The following TNFAIP2 variants were observed in gnomAD, a reference collection of about 807,000 sequenced individuals.
TNFAIP2 encodes TNF alpha induced protein 2.
TNFAIP2 carries 47 observed loss-of-function variants against 63.5 expected under a neutral mutation model. That is an observed-to-expected ratio of 0.74 (90% CI 0.59 to 0.94). TNFAIP2 has a LOEUF of 0.94. Ranked by LOEUF, TNFAIP2 falls within the 40% of genes least tolerant of loss-of-function variation. The pLI, the probability that TNFAIP2 is intolerant of heterozygous loss-of-function variation, is 0.00. For missense variants in TNFAIP2, 787 were observed against 850.2 expected (o/e 0.93, Z 0.92); for synonymous variants, 405 against 390.2 (o/e 1.04, Z -0.45).
At position 103,130,354 on chromosome 14, in the gene TNFAIP2, C is replaced by G. The variant is rs1356257789; in HGVS notation, c.1138C>G (p.Leu380Val). 1.9e-6 allele frequency: 3 copies of G among 1,569,092 alleles called. No homozygotes were observed. Among genetic ancestry groups the G allele is most frequent in the Non-Finnish European group, 2.6e-6 (3 of 1,156,482 alleles). ...QAQAKAESIT[L>V]DLGSQIKRVL... Reference sequence around the variant, plus strand: ...CCAGGCCAAGGCCGAGAGCATCACGCTGGACTTGGGCTCACAGATAAAGCG... The same window carrying G: ...CCAGGCCAAGGCCGAGAGCATCACGGTGGACTTGGGCTCACAGATAAAGCG... The change falls in exon 6 of 12, where the codon CTG (leucine) becomes GTG (valine). Residue 380 changes from leucine (L) to valine (V), a missense_variant. Around this residue, in one of 3 missense-constraint regions of TNFAIP2, gnomAD observed 523 missense variants for 604.1 expected, o/e 0.87. Coordinates refer to ENST00000560869, the MANE Select transcript of TNFAIP2 (RefSeq NM_006291.4).
chr14:103,130,052 C>A lies in TNFAIP2; in HGVS notation c.1026C>A (p.Arg342=), dbSNP rs1436364898. 6.2e-7 allele frequency: 1 copy of A among 1,613,192 alleles called. No homozygotes were observed. Among genetic ancestry groups the A allele is most frequent in the Non-Finnish European group, 8.5e-7 (1 of 1,179,966 alleles). ...MDRALELEAR[R]WAEDVPPQRL... ...GAGCTCTGGAGCTAGAGGCACGGCGCTGGGCTGAGGATGTGCCTCCCCAGA... is the reference window on the plus strand; with the variant it reads ...GAGCTCTGGAGCTAGAGGCACGGCGATGGGCTGAGGATGTGCCTCCCCAGA... The change falls in exon 5 of 12, where the codon CGC becomes CGA. Residue 342 remains arginine (R), a synonymous_variant. Transcript: ENST00000560869.
At chr14:103,129,960 G>C in intron 4 of TNFAIP2, 42 bp from the exon 5 acceptor site, 2 of 1,609,090 alleles carry the variant, frequency 1.2e-6, no homozygotes. Context: ...AGGTGAGCGA[G>C]GTGAGGGATA....
In TNFAIP2 at chr14:103,127,072, G is replaced by A; in HGVS notation, c.303G>A (p.Glu101=). Residue 101 remains glutamate (E), a synonymous_variant, in exon 3 of 12, where the codon GAG becomes GAA. Coordinates refer to ENST00000560869, the MANE Select transcript of TNFAIP2 (RefSeq NM_006291.4). The surrounding 1 kb of genome is among the most constrained non-coding windows in gnomAD (Gnocchi z 5.1). ...CGGCGCGGCCGCTGCTGGCGCTGGA[G>A]CGGGAGCTGGCGGCGGCGGCGGCGG... ...LEAARPLLAL[E]RELAAAAAAG... 8.9e-7 allele frequency: 1 copy of A among 1,123,884 alleles called. No individual in the cohort carries two copies. Among genetic ancestry groups the A allele is most frequent in the Non-Finnish European group, 1.1e-6 (1 of 919,700 alleles). 69.6% of individuals were successfully genotyped at this position (1,123,884 alleles called of 1,614,324 possible).
At chr14:103,122,918 T>C (rs780935992), upstream of TNFAIP2, 1 of 429,964 alleles carries the variant, frequency 2.3e-6, no homozygotes, top group Non-Finnish European at 4.7e-6. Flanking sequence ...CAAGGCCCTG[T>C]GCACAGCCGC....
At position 103,135,272 on chromosome 14, in the gene TNFAIP2, A is replaced by T. The variant is rs562060303; in HGVS notation, c.1877A>T (p.Glu626Val). ...ATCAAGGGGAACCTATCCAACAGTG[A>T]GGTCAAGCGCATCCGGAGCATCTTG... The part of the protein sequence containing the change: ...LAIKGNLSNS[E>V]VKRIRSILDV... The change falls in exon 12 of 12, where the codon GAG (glutamate) becomes GTG (valine). Residue 626 changes from glutamate to valine, a missense_variant. Coordinates refer to ENST00000560869, the MANE Select transcript of TNFAIP2 (RefSeq NM_006291.4). The surrounding 1 kb of genome is among the most constrained non-coding windows in gnomAD (Gnocchi z 7.6). 9 of 1,614,012 alleles carry T rather than the reference A, an allele frequency of 5.6e-6. No homozygotes were observed. In the Admixed American group the frequency reaches 1.5e-4, roughly 27 times the overall value.
In TNFAIP2 at chr14:103,130,510, C is replaced by T. The variant is rs757954422; in HGVS notation, c.1199+95C>T. On this transcript the variant is annotated intron_variant, in intron 6 of 11. Transcript: ENST00000560869. ...CAGGTGGGGAGCTGAGCTGGATCCC[C>T]GCCCTCTACCCCTGTCCCTGTCATT... 1.8e-4 allele frequency: 202 copies of T among 1,150,620 alleles called. 1 individual carries two copies. The highest frequency in any genetic ancestry group is 2.3e-4 in the Non-Finnish European group (187 of 798,198). The allele number at this position is 1,150,620 out of a possible 1,614,324, so 71.3% of individuals were successfully genotyped here. A position where few individuals can be genotyped will look rare whatever the true frequency, so the allele number is the denominator to read the frequency against.
Position 103,131,564 on chromosome 14 carries a change from G to GGGCTGTCT in TNFAIP2, c.1299-70_1299-63dup. 6.7e-7 allele frequency: 1 copy of GGGCTGTCT among 1,492,320 alleles called. No individual in the cohort carries two copies. The highest frequency in any genetic ancestry group is 8.9e-7 in the Non-Finnish European group (1 of 1,119,770). The allele number at this position is 1,492,320 out of a possible 1,614,324, so 92.4% of individuals were successfully genotyped here. ...TTGAGGGTTCTAGAGTGAAGAGAGG[G>GGGCTGTCT]GGCTGTCTGGCTCCCTGGGTATGGG... On this transcript the variant is annotated intron_variant, in intron 7 of 11. Transcript: ENST00000560869. The surrounding 1 kb of genome is among the most constrained non-coding windows in gnomAD (Gnocchi z 4.0).
At position 103,126,342 on chromosome 14, in the gene TNFAIP2, AGAT is replaced by A. The variant is rs1010153143; in HGVS notation, c.-110_-108del. 7 of 714,224 alleles carry A rather than the reference AGAT, an allele frequency of 9.8e-6. 1 individual carries two copies. Among genetic ancestry groups the A allele is most frequent in the Admixed American group, 2.9e-5 (1 of 33,950 alleles). The allele number at this position is 714,224 out of a possible 1,614,324, so 44.2% of individuals were successfully genotyped here. ...CAGGCCTGAACCAGGGTGATGCTGA[AGAT>A]GATGACCTTCTTCCAAGGCCTCTAG... is the stretch of plus-strand genomic sequence containing the variant. On this transcript the variant is annotated 5_prime_UTR_variant, in exon 2 of 12. It removes an upstream start codon present in the reference 5' UTR. Coordinates refer to ENST00000560869, the MANE Select transcript of TNFAIP2 (RefSeq NM_006291.4).
rs2087796775 is a variant in TNFAIP2 at position 103,123,789 on chromosome 14, C to T, written c.-311C>T. Reference sequence around the variant, plus strand: ...AAAGGCCCCAGGTCCGGCGTGACTCCCCGGCCGGGCGACACAGGCCGAGTC... The same window carrying T: ...AAAGGCCCCAGGTCCGGCGTGACTCTCCGGCCGGGCGACACAGGCCGAGTC... On this transcript the variant is annotated 5_prime_UTR_variant, in exon 1 of 12. Transcript: ENST00000560869. 1 of 152,294 alleles carries T rather than the reference C, an allele frequency of 6.6e-6. No homozygotes were observed. Among genetic ancestry groups the T allele is most frequent in the Non-Finnish European group, 1.5e-5 (1 of 68,120 alleles). 9.4% of individuals were successfully genotyped at this position (152,294 alleles called of 1,614,324 possible). A position where few individuals can be genotyped will look rare whatever the true frequency, so the allele number is the denominator to read the frequency against.
Position 103,127,684 on chromosome 14 carries a change from G to A in TNFAIP2, c.860+55G>A. 1 of 1,399,180 alleles carries A rather than the reference G, an allele frequency of 7.1e-7. No homozygotes were observed. The highest frequency in any genetic ancestry group is 1.6e-5 in the South Asian group (1 of 63,356). 86.7% of individuals were successfully genotyped at this position (1,399,180 alleles called of 1,614,324 possible). On this transcript the variant is annotated intron_variant, in intron 3 of 11. Transcript: ENST00000560869. This position sits in a 1 kb window ranked among gnomAD's most constrained non-coding sequence, Gnocchi z 5.1. The stretch of plus-strand genomic sequence containing the variant: ...GGCAGGGAGGGTGTCCTCTGTAGGA[G>A]GGGTGTCGAGGGGTGTCGAGGTGTG...
Position 103,133,650 on chromosome 14 carries a change from C to T in TNFAIP2, c.1702-32C>T, listed in dbSNP as rs767492889. The T allele has an allele frequency of 2.1e-5, 33 of 1,549,872 alleles. No individual in the cohort carries two copies. In the East Asian group the frequency reaches 5.9e-4, roughly 28 times the overall value. ...GTCGCTGACCCGAGCCTCTGGACCC[C>T]TGGGTCCCTCCAACCACACCCACTC... On this transcript the variant is annotated intron_variant, in intron 10 of 11. Coordinates refer to ENST00000560869, the MANE Select transcript of TNFAIP2 (RefSeq NM_006291.4).
In TNFAIP2 at chr14:103,133,524, C is replaced by A; in HGVS notation, c.1701+7C>A. The A allele has an allele frequency of 6.2e-7, 1 of 1,612,552 alleles. No individual in the cohort carries two copies. The highest frequency in any genetic ancestry group is 8.5e-7 in the Non-Finnish European group (1 of 1,179,046). ...GCACTTCTGCACCCAGCACGTAAGC[C>A]GCTGCCCACCTCTCCCAAGCCCCTC... On this transcript the variant is annotated splice_region_variant and intron_variant, in intron 10 of 11. Coordinates refer to ENST00000560869, the MANE Select transcript of TNFAIP2 (RefSeq NM_006291.4).
At chr14:103,130,652 C>G (rs1432072108) in intron 6 of TNFAIP2, among the ~76,000 whole-genome samples, 1 of 152,210 alleles carries the variant, frequency 6.6e-6, no homozygotes, top group East Asian at 1.9e-4. Flanking sequence ...AAGCTCTCAG[C>G]AGAGCAGCCT....
intron 3 of TNFAIP2, 26 bp from the exon 4 acceptor site, chr14:103,129,714 C>T (rs1216349290): frequency 1.2e-6 from 2 of 1,604,988 alleles, no homozygotes; most frequent in Non-Finnish European, 1.7e-6. Context: ...TATAGTTGTC[C>T]TCATGCCAGC....
upstream of TNFAIP2, chr14:103,123,089 G>A (rs559175783): frequency 1.1e-4 from 28 of 258,766 alleles, no homozygotes; most frequent in Non-Finnish European, 1.9e-4. Context: ...AGCTGGAGCC[G>A]GTGTGTGACG....
In TNFAIP2 at chr14:103,135,565, G is replaced by A; in HGVS notation, c.*205G>A. 1.4e-6 allele frequency: 2 copies of A among 1,428,116 alleles called. No homozygotes were observed. The highest frequency in any genetic ancestry group is 1.5e-5 in the South Asian group (1 of 67,714). The allele number at this position is 1,428,116 out of a possible 1,614,324, so 88.5% of individuals were successfully genotyped here. ...TTTGTTTACATGTCCGATGGGGGCA[G>A]GAGCTCCCATCCTGGGCAGCCAACC... On this transcript the variant is annotated 3_prime_UTR_variant, in exon 12 of 12. Coordinates refer to ENST00000560869, the MANE Select transcript of TNFAIP2 (RefSeq NM_006291.4). The surrounding 1 kb of genome is among the most constrained non-coding windows in gnomAD (Gnocchi z 7.6).
intron 11 of TNFAIP2, 82 bp downstream of exon 11, chr14:103,133,885 C>T: frequency 1.3e-6 from 2 of 1,488,690 alleles, no homozygotes; most frequent in South Asian, 2.6e-5. Context: ...AACCCAGATC[C>T]TGGCAGCTGC....
Position 103,135,865 on chromosome 14 carries a change from G to T in TNFAIP2, c.*505G>T, listed in dbSNP as rs777018323. On this transcript the variant is annotated 3_prime_UTR_variant, in exon 12 of 12. Coordinates refer to ENST00000560869, the MANE Select transcript of TNFAIP2 (RefSeq NM_006291.4). This position sits in a 1 kb window ranked among gnomAD's most constrained non-coding sequence, Gnocchi z 7.6. ...GGTGGAATGGAAGACAGAACTGGAA[G>T]AGAAAGAAGGAAAAGATGAGCTCTC... is the stretch of plus-strand genomic sequence containing the variant. 5 of 1,290,564 alleles carry T rather than the reference G, an allele frequency of 3.9e-6. No individual in the cohort carries two copies. The highest frequency in any genetic ancestry group is 5.5e-5 in the East Asian group (1 of 18,104). The allele number at this position is 1,290,564 out of a possible 1,614,324, so 79.9% of individuals were successfully genotyped here. A position where few individuals can be genotyped will look rare whatever the true frequency, so the allele number is the denominator to read the frequency against.
In TNFAIP2 at chr14:103,127,812, CTG is replaced by C. The variant is rs2087893646; in HGVS notation, c.860+184_860+185del. 6.6e-6 allele frequency among the ~76,000 whole-genome samples: 1 copy of C among 152,298 alleles called. No homozygotes were observed. Among genetic ancestry groups the C allele is most frequent in the Non-Finnish European group, 1.5e-5 (1 of 68,018 alleles). On this transcript the variant is annotated intron_variant, in intron 3 of 11. Transcript: ENST00000560869. This position sits in a 1 kb window ranked among gnomAD's most constrained non-coding sequence, Gnocchi z 5.1. ...GGGGCAGAGCCTGGACAGGCAGAGACTGGGCCTGGACACAGGGATAAGGCTGG... is the reference window on the plus strand; with the variant it reads ...GGGGCAGAGCCTGGACAGGCAGAGACGGCCTGGACACAGGGATAAGGCTGG...
Sources: allele counts gnomAD v4.1 joint callset (sites outside exome capture counted in the v4.1 genomes callset), GRCh38; gene constraint gnomAD v4.1.1; regional missense constraint gnomAD v4.1.1; non-coding constraint Gnocchi (gnomAD v3.1); transcripts MANE v1.5; gene names NCBI Gene and HGNC (gene_info 2026-07-23, HGNC 2026-07-21).